Variants in ELAVL4 observed in about 807,000 individuals in gnomAD.
ELAVL4 encodes the protein ELAV like RNA binding protein 4.
Under a neutral mutation model 35.6 loss-of-function variants are expected in ELAVL4, and 1 was observed. The ratio of observed to expected loss-of-function variants is 0.03; its 90% CI spans 0.01 to 0.13. The LOEUF (loss-of-function observed/expected upper bound fraction) is 0.13, where lower values mean the gene tolerates loss of function less well. Among genes scored for constraint, ELAVL4 ranks in the 10% least tolerant of loss-of-function variants. The pLI, the probability that ELAVL4 is intolerant of heterozygous loss-of-function variation, is 1.00. For missense variants in ELAVL4, 267 were observed against 464.9 expected (o/e 0.57, Z 3.91); for synonymous variants, 156 against 171.0 (o/e 0.91, Z 0.69).
upstream of ELAVL4, chr1:50,106,381 C>G (rs1666306075): frequency 1.2e-6 from 2 of 1,613,064 alleles, no homozygotes; most frequent in Non-Finnish European, 1.7e-6. Context: ...AGTCAAGAAA[C>G]TGCTCATTTA....
chr1:50,073,864 A>T (rs1664641484), intron 1 of ELAVL4, among the ~76,000 whole-genome samples: 1 of 152,222 alleles, frequency 6.6e-6, no homozygotes, highest in African/African-American at 2.4e-5. Flanking sequence ...ACAGGATCCT[A>T]GAAATCCCAG....
At chr1:50,149,166 G>A (rs1674283512) in intron 2 of ELAVL4, among the ~76,000 whole-genome samples, 1 of 152,142 alleles carries the variant, frequency 6.6e-6, no homozygotes, top group Non-Finnish European at 1.5e-5. Flanking sequence ...GGGTGGCCAA[G>A]GCAGATGGGT....
At chr1:50,095,369 T>A (rs1665677340) in intron 1 of ELAVL4, among the ~76,000 whole-genome samples, 1 of 152,126 alleles carries the variant, frequency 6.6e-6, no homozygotes. Flanking sequence ...GTTCTATTTG[T>A]TTATATATTG....
chr1:50,141,246 G>C (rs1274749194), intron 1 of ELAVL4, among the ~76,000 whole-genome samples: 1 of 152,240 alleles, frequency 6.6e-6, no homozygotes, highest in South Asian at 2.1e-4. Context: ...CACCAAATAA[G>C]CTGCCTTGGT....
At chr1:50,051,433 A>G (rs1371976807) in intron 1 of ELAVL4, among the ~76,000 whole-genome samples, 1 of 152,234 alleles carries the variant, frequency 6.6e-6, no homozygotes. Flanking sequence ...TTCTTGGGCC[A>G]AAGTAAAACT....
At chr1:50,180,352 A>G (rs1680827961) in intron 3 of ELAVL4, 1 of 152,178 alleles carries the variant, frequency 6.6e-6, no homozygotes. Flanking sequence ...TGGATTAAGG[A>G]TGTTGAATCA....
intron 3 of ELAVL4, among the ~76,000 whole-genome samples, chr1:50,190,556 G>C (rs1682514619): frequency 6.6e-6 from 1 of 152,212 alleles, no homozygotes; most frequent in South Asian, 2.1e-4. Context: ...AATTAGACTT[G>C]GTAGAGAATG....
intron 1 of ELAVL4, chr1:50,109,833 G>A: frequency 6.9e-7 from 1 of 1,456,194 alleles, no homozygotes; most frequent in Non-Finnish European, 9.5e-7. Context: ...TTGAGTTGTT[G>A]CTTCCTTCTC....
At chr1:50,077,498 C>A (rs1275695420) in intron 1 of ELAVL4, among the ~76,000 whole-genome samples, 1 of 152,100 alleles carries the variant, frequency 6.6e-6, no homozygotes, top group Non-Finnish European at 1.5e-5. Context: ...TTAGGGAGGG[C>A]AAATGACTTT....
chr1:50,199,542 C>G (rs939803005), intron 6 of ELAVL4, among the ~76,000 whole-genome samples: 1 of 152,078 alleles, frequency 6.6e-6, no homozygotes. Flanking sequence ...CCCGTCTCTA[C>G]TAAAAATACA....
At chr1:50,146,537 A>G (rs928024402) in intron 2 of ELAVL4, among the ~76,000 whole-genome samples, 5 of 152,194 alleles carry the variant, frequency 3.3e-5, no homozygotes, top group Non-Finnish European at 7.3e-5. Context: ...TACAGCTAGT[A>G]TGCTTCAAGG....
intron 1 of ELAVL4, among the ~76,000 whole-genome samples, chr1:50,134,416 A>G (rs1477388572): frequency 6.6e-6 from 1 of 152,204 alleles, no homozygotes; most frequent in Non-Finnish European, 1.5e-5. Context: ...TGTATTTCCC[A>G]TCACAACTGG....
rs564691849 is a variant in ELAVL4 at position 50,089,942 on chromosome 1, C to T, written c.18+41760C>T. 4.6e-5 allele frequency among the ~76,000 whole-genome samples: 7 copies of T among 152,214 alleles called. No individual in the cohort carries two copies. The South Asian group carries it at 1.2e-3, about 27-fold the overall frequency. On this transcript the variant is annotated intron_variant, in intron 1 of 6. Transcript: ENST00000448907. Reference sequence around the variant, plus strand: ...AGAATAGCCAGATGGGGAAACTCAACGCCTAAGAGATTCAGATGTTTAAGA... The same window carrying T: ...AGAATAGCCAGATGGGGAAACTCAATGCCTAAGAGATTCAGATGTTTAAGA...
intron 1 of ELAVL4, among the ~76,000 whole-genome samples, chr1:50,110,710 C>T (rs1248375075): frequency 6.6e-6 from 1 of 152,188 alleles, no homozygotes; most frequent in East Asian, 1.9e-4. Context: ...TTATTTTTCC[C>T]TAGAAAAGCC....
At chr1:50,181,975 G>A (rs1302068690) in intron 3 of ELAVL4, among the ~76,000 whole-genome samples, 6 of 152,196 alleles carry the variant, frequency 3.9e-5, no homozygotes, top group African/African-American at 4.8e-5. Flanking sequence ...GAGCCACCGC[G>A]CCCGGCTAGC....
intron 1 of ELAVL4, among the ~76,000 whole-genome samples, chr1:50,087,470 A>G (rs905700828): frequency 8.5e-5 from 13 of 152,338 alleles, no homozygotes; most frequent in African/African-American, 3.1e-4. Context: ...TTTTAAACTT[A>G]GCTAAAATAA....
intron 1 of ELAVL4, among the ~76,000 whole-genome samples, chr1:50,061,280 T>C (rs544187038): frequency 6.6e-6 from 1 of 152,324 alleles, no homozygotes; most frequent in East Asian, 1.9e-4. Context: ...TGGTATTGTT[T>C]TTAACCTGAA....
At chr1:50,181,249 C>T (rs1317043730) in intron 3 of ELAVL4, 1 of 152,250 alleles carries the variant, frequency 6.6e-6, no homozygotes, top group Non-Finnish European at 1.5e-5. Context: ...TCTGTGCACA[C>T]ATGGGTTATA....
intron 2 of ELAVL4, among the ~76,000 whole-genome samples, chr1:50,154,080 G>T (rs1675292662): frequency 6.6e-6 from 1 of 152,194 alleles, no homozygotes; most frequent in Non-Finnish European, 1.5e-5. Context: ...AAGAGATAAT[G>T]AATAGAACAG....
Sources: allele counts gnomAD v4.1 joint callset (sites outside exome capture counted in the v4.1 genomes callset), GRCh38; gene constraint gnomAD v4.1.1; transcripts MANE v1.5; gene names NCBI Gene and HGNC (gene_info 2026-07-23, HGNC 2026-07-21).